The following SLC39A10 variants were observed in gnomAD, a reference collection of about 807,000 sequenced individuals.
The protein encoded by SLC39A10 is solute carrier family 39 member 10, also known as zinc transporter ZIP10.
Under a neutral mutation model 65.1 loss-of-function variants are expected in SLC39A10, and 13 were observed. The ratio of observed to expected loss-of-function variants is 0.20; its 90% confidence interval spans 0.13 to 0.32. SLC39A10 has a LOEUF of 0.32. Among genes scored for constraint, SLC39A10 ranks in the 10% least tolerant of loss-of-function variants. The probability of loss-of-function intolerance (pLI) is 1.00; values close to 1 mark genes in which losing one functional copy is unlikely to be tolerated. For missense variants in SLC39A10, 831 were observed against 1,018.4 expected, an observed-to-expected ratio of 0.82 and a Z score of 2.50; for synonymous variants, 321 against 342.2, an observed-to-expected ratio of 0.94 and a Z score of 0.68.
chr2:195,728,379 T>C lies in SLC39A10; in HGVS notation c.2337+30T>C. ...GATATTTTATATTTTTTTGTGGTAC[T>C]AAACCTGCAAATGAAAGAAATCCTT... On this transcript the variant is annotated intron_variant, in intron 9 of 9. Coordinates refer to ENST00000359634, the MANE Select transcript of SLC39A10 (RefSeq NM_020342.3). The surrounding 1 kb of genome is among the most constrained non-coding windows in gnomAD (Gnocchi z 4.4). The C allele has an allele frequency of 6.4e-7, 1 of 1,569,346 alleles. No homozygotes were observed. The highest frequency in any genetic ancestry group is 1.4e-5 in the African/African-American group (1 of 73,848).
chr2:195,650,282 CAAA>C (rs35680880), intron 2 of SLC39A10, among the ~76,000 whole-genome samples: 64 of 118,206 alleles, frequency 5.4e-4, no homozygotes, highest in Middle Eastern at 4.2e-3. Context: ...ACTCCTCCTC[CAAA>C]AAAAAAAAAA....
intron 2 of SLC39A10, among the ~76,000 whole-genome samples, chr2:195,614,077 A>T (rs1688155090): frequency 6.6e-6 from 1 of 152,146 alleles, no homozygotes; most frequent in Admixed American, 6.6e-5. Flanking sequence ...AGTCATCCAC[A>T]CTTTTATCTT....
chr2:195,617,950 A>G (rs1300336359), intron 2 of SLC39A10, among the ~76,000 whole-genome samples: 5 of 146,808 alleles, frequency 3.4e-5, no homozygotes, highest in African/African-American at 7.5e-5. Flanking sequence ...CATGTTAGCC[A>G]GGATGGTCTC....
At chr2:195,733,608 G>A (rs1046866023) in intron 9 of SLC39A10, among the ~76,000 whole-genome samples, 7 of 151,862 alleles carry the variant, frequency 4.6e-5, no homozygotes, top group East Asian at 1.9e-4. Context: ...TTGGCTCACC[G>A]CAACCTCCGC....
rs1025552762 is a variant in SLC39A10 at position 195,732,900 on chromosome 2, C to T, written c.2338-1983C>T. Reference sequence around the variant, plus strand: ...CATGGCCAGATTCAGCATGGTTTGCCAACCCTTAGACCATTAGTTGATTTG... The same window carrying T: ...CATGGCCAGATTCAGCATGGTTTGCTAACCCTTAGACCATTAGTTGATTTG... On this transcript the variant is annotated intron_variant, in intron 9 of 9. Transcript: ENST00000359634. Among the ~76,000 whole-genome samples, 4 of 152,110 alleles carry T rather than the reference C, an allele frequency of 2.6e-5. No individual in the cohort carries two copies. In the South Asian group the frequency reaches 8.3e-4, roughly 32 times the overall value.
At chr2:195,668,755 G>A (rs1434375409) in intron 1 of SLC39A10, among the ~76,000 whole-genome samples, 2 of 152,126 alleles carry the variant, frequency 1.3e-5, no homozygotes, top group Non-Finnish European at 2.9e-5. Flanking sequence ...GAGTTAAGTA[G>A]ATTACACACA....
At chr2:195,713,403 T>C in intron 5 of SLC39A10, 30 bp from the exon 6 acceptor site, 1 of 1,494,354 alleles carries the variant, frequency 6.7e-7, no homozygotes, top group Middle Eastern at 1.8e-4. Flanking sequence ...TTTATACTAA[T>C]ATCAGATACT....
At chr2:195,658,508 C>T (rs1272638469) in intron 1 of SLC39A10, 4 of 152,172 alleles carry the variant, frequency 2.6e-5, no homozygotes, top group Non-Finnish European at 5.9e-5. Context: ...CTGAGTCATT[C>T]TTGGAGCAAA....
intron 2 of SLC39A10, among the ~76,000 whole-genome samples, chr2:195,650,618 A>G (rs1049272768): frequency 6.6e-6 from 1 of 152,166 alleles, no homozygotes; most frequent in African/African-American, 2.4e-5. Flanking sequence ...GGTTAGGATC[A>G]TGTAGGCAGA....
At chr2:195,703,811 G>A (rs1483851486) in intron 3 of SLC39A10, among the ~76,000 whole-genome samples, 8 of 151,996 alleles carry the variant, frequency 5.3e-5, no homozygotes, top group Admixed American at 3.3e-4. Context: ...ATGCCACCAC[G>A]CCCGGCTAAT....
At chr2:195,685,875 G>T (rs1008528388) in intron 3 of SLC39A10, among the ~76,000 whole-genome samples, 1 of 152,140 alleles carries the variant, frequency 6.6e-6, no homozygotes, top group African/African-American at 2.4e-5. Context: ...GTCTATAAGC[G>T]TTCAGTTATA....
intron 3 of SLC39A10, among the ~76,000 whole-genome samples, chr2:195,699,662 T>C (rs1691102168): frequency 6.6e-6 from 1 of 152,126 alleles, no homozygotes; most frequent in South Asian, 2.1e-4. Context: ...TATATTTATA[T>C]TTTTAAATCT....
intron 8 of SLC39A10, among the ~76,000 whole-genome samples, chr2:195,727,293 T>TC (rs570698371): frequency 6.6e-6 from 1 of 152,194 alleles, no homozygotes; most frequent in Non-Finnish European, 1.5e-5. Context: ...AGCTCTGTGG[T>TC]CATGGATGAT....
At chr2:195,734,337 A>T (rs1692518350) in intron 9 of SLC39A10, among the ~76,000 whole-genome samples, 1 of 151,750 alleles carries the variant, frequency 6.6e-6, no homozygotes, top group Non-Finnish European at 1.5e-5. Context: ...CGCCCAGCTA[A>T]TTTTTGTATT....
Position 195,722,525 on chromosome 2 carries a change from A to G in SLC39A10, c.2146+4193A>G, listed in dbSNP as rs188691604. 6.6e-5 allele frequency among the ~76,000 whole-genome samples: 10 copies of G among 152,360 alleles called. No individual in the cohort carries two copies. In the East Asian group the frequency reaches 1.5e-3, roughly 24 times the overall value. ...ACTTTTTGTACAATAGGACCAGGTC[A>G]GTGTCCCTACTCTGATCAGATCATC... On this transcript the variant is annotated intron_variant, in intron 8 of 9. Transcript: ENST00000359634.
intron 6 of SLC39A10, among the ~76,000 whole-genome samples, chr2:195,713,874 C>T (rs978674859): frequency 6.6e-6 from 1 of 151,860 alleles, no homozygotes; most frequent in African/African-American, 2.4e-5. Context: ...ATAAGAATTA[C>T]ACAAGAAAAA....
At chr2:195,729,201 C>CA (rs2105846448) in intron 9 of SLC39A10, among the ~76,000 whole-genome samples, 1 of 151,954 alleles carries the variant, frequency 6.6e-6, no homozygotes, top group East Asian at 1.9e-4. Flanking sequence ...AGGCTGGTCT[C>CA]AAACTCCTGG....
rs780562907 is a variant in SLC39A10 at position 195,716,673 on chromosome 2, A to G, written c.1733A>G (p.Asn578Ser). 26 of 1,611,968 alleles carry G rather than the reference A, an allele frequency of 1.6e-5. No homozygotes were observed. Among genetic ancestry groups the G allele is most frequent in the Non-Finnish European group, 2.2e-5 (26 of 1,179,164 alleles). The stretch of plus-strand genomic sequence containing the variant: ...TCGGTTGTTTCTGAAGATCGACTTA[A>G]TGAAACTGAACTGACAGATTTAGAA... ...DDSVVSEDRLNETELTDLEGQ... is the reference protein window; with the variant it reads ...DDSVVSEDRLSETELTDLEGQ... The change falls in exon 7 of 10, where the codon AAT becomes AGT. Residue 578 changes from asparagine to serine, a missense_variant. Asn to Ser is a conservative substitution (Grantham distance 46, BLOSUM62 1). Around this residue, in one of 4 missense-constraint regions of SLC39A10, gnomAD observed 230 missense variants for 242.9 expected, o/e 0.95. Coordinates refer to ENST00000359634, the MANE Select transcript of SLC39A10 (RefSeq NM_020342.3).
rs895206019 is a variant in SLC39A10, at chr2:195,735,104, G to A, written c.*63G>A. The A allele has an allele frequency of 5.3e-6, 8 of 1,520,880 alleles. No individual in the cohort carries two copies. Among genetic ancestry groups the A allele is most frequent in the South Asian group, 1.3e-5 (1 of 78,046 alleles). 94.2% of individuals were successfully genotyped at this position (1,520,880 alleles called of 1,614,324 possible). On this transcript the variant is annotated 3_prime_UTR_variant, in exon 10 of 10. Coordinates refer to ENST00000359634, the MANE Select transcript of SLC39A10 (RefSeq NM_020342.3). ...CCATGCAGCTTTGCATCTGTTCCTT[G>A]TACTGTATGCACATTGCTCAAAGGA... is the stretch of plus-strand genomic sequence containing the variant.
Sources: gnomAD v4.1 joint callset for allele counts (sites outside exome capture counted in the v4.1 genomes callset) on GRCh38, gnomAD v4.1.1 for gene constraint, gnomAD v4.1.1 regional missense constraint, Gnocchi (gnomAD v3.1) non-coding constraint, MANE v1.5 for transcripts, NCBI Gene and HGNC (gene_info 2026-07-23, HGNC 2026-07-21) for gene names.